The following PLD1 variants were observed in gnomAD, a reference collection of about 807,000 sequenced individuals.
PLD1 encodes choline phosphatase 1.
A neutral mutation model predicts 137.1 loss-of-function variants in PLD1; 112 were observed. That is an observed-to-expected ratio of 0.82 (90% CI 0.70 to 0.96). The LOEUF is 0.96. PLD1 is among the 40% of genes least tolerant of loss of function. The pLI is 0.00. For missense variants in PLD1, 1,321 were observed against 1,342.0 expected (o/e 0.98, Z 0.24); for synonymous variants, 431 against 454.7 (o/e 0.95, Z 0.66).
rs1731843930 is a variant in PLD1 at position 171,601,739 on chromosome 3, T to C, written c.*1339A>G. 6.6e-6 allele frequency: 1 copy of C among 152,192 alleles called. No individual in the cohort carries two copies. The allele number at this position is 152,192 out of a possible 1,614,324, so 9.4% of individuals were successfully genotyped here. A position where few individuals can be genotyped will look rare whatever the true frequency, so the allele number is the denominator to read the frequency against. ...TGTCCAGGTAATCCATAGACATGTA[T>C]AATCATTACACCTGCATTTTGTTTT... On this transcript the variant is annotated 3_prime_UTR_variant, in exon 27 of 27. Coordinates refer to ENST00000351298, the MANE Select transcript of PLD1 (RefSeq NM_002662.5).
chr3:171,694,140 A>C (rs1247613112), intron 12 of PLD1, among the ~76,000 whole-genome samples: 3 of 152,104 alleles, frequency 2.0e-5, no homozygotes, highest in Admixed American at 2.0e-4. Context: ...TAATATCTTA[A>C]AGGTGTATGT....
chr3:171,634,406 C>T (rs1009915003), intron 23 of PLD1, among the ~76,000 whole-genome samples: 5 of 152,112 alleles, frequency 3.3e-5, no homozygotes, highest in Admixed American at 2.6e-4. Flanking sequence ...GAATGATTTT[C>T]CCGATTTTAT....
At chr3:171,681,526 C>T (rs796588129) in intron 16 of PLD1, among the ~76,000 whole-genome samples, 9 of 152,266 alleles carry the variant, frequency 5.9e-5, no homozygotes, top group African/African-American at 2.2e-4. Flanking sequence ...TTAGTCTCTA[C>T]CTACCGAATT....
rs4894728 is a variant in PLD1, at chr3:171,692,767, C to T, written c.1228-325G>A. Among the ~76,000 whole-genome samples, 34,725 of 151,966 alleles carry T rather than the reference C, an allele frequency of 0.23. 4,253 individuals carry two copies. The highest frequency in any genetic ancestry group is 0.3 in the Admixed American group (4,595 of 15,280). Reference sequence around the variant, plus strand: ...AATTCCTGACCTCAAGTGATCCACCCGCCTCAGCCGCTCAAAGTGCTGGGA... The same window carrying T: ...AATTCCTGACCTCAAGTGATCCACCTGCCTCAGCCGCTCAAAGTGCTGGGA... On this transcript the variant is annotated intron_variant, in intron 12 of 26. Coordinates refer to ENST00000351298, the MANE Select transcript of PLD1 (RefSeq NM_002662.5).
chr3:171,688,647 A>G (rs1714808641), intron 14 of PLD1, 29 bp downstream of exon 14: 27 of 1,504,242 alleles, frequency 1.8e-5, no homozygotes, highest in Non-Finnish European at 2.5e-5. Flanking sequence ...TTCGTGTTAT[A>G]CATTTCCATA....
At chr3:171,696,855 C>A (rs1197393588) in intron 12 of PLD1, among the ~76,000 whole-genome samples, 1 of 152,056 alleles carries the variant, frequency 6.6e-6, no homozygotes, top group Non-Finnish European at 1.5e-5. Context: ...TCGCTACCCA[C>A]AGTTTAAAAA....
At chr3:171,732,154 C>T (rs759469776) in intron 6 of PLD1, among the ~76,000 whole-genome samples, 21 of 152,120 alleles carry the variant, frequency 1.4e-4, no homozygotes, top group Non-Finnish European at 2.6e-4. Context: ...AATAGCATGT[C>T]GGATTTCAGA....
At chr3:171,631,952 A>G (rs565527533) in intron 23 of PLD1, among the ~76,000 whole-genome samples, 1 of 152,340 alleles carries the variant, frequency 6.6e-6, no homozygotes, top group Non-Finnish European at 1.5e-5. Flanking sequence ...CAGGAGGTCA[A>G]TGGTTGATAA....
intron 23 of PLD1, among the ~76,000 whole-genome samples, chr3:171,625,630 G>C (rs1225747113): frequency 6.6e-6 from 1 of 152,160 alleles, no homozygotes; most frequent in Non-Finnish European, 1.5e-5. Flanking sequence ...ACCTCACACG[G>C]CCGGGTACTC....
intron 5 of PLD1, 87 bp from the exon 6 acceptor site, chr3:171,733,596 T>C (rs1719118422): frequency 5.2e-6 from 3 of 575,104 alleles, no homozygotes; most frequent in Non-Finnish European, 9.3e-6. Context: ...GAGATCATCA[T>C]TTTCATCTTA....
intron 1 of PLD1, among the ~76,000 whole-genome samples, chr3:171,742,675 G>A (rs1440166256): frequency 6.6e-6 from 1 of 151,976 alleles, no homozygotes; most frequent in African/African-American, 2.4e-5. Flanking sequence ...TAAATTAAAG[G>A]ATCCATAATA....
chr3:171,755,389 T>C (rs779837949), intron 1 of PLD1, among the ~76,000 whole-genome samples: 2 of 152,138 alleles, frequency 1.3e-5, no homozygotes, highest in African/African-American at 4.8e-5. Flanking sequence ...TCCCCATTCT[T>C]ATCTCACTTA....
intron 23 of PLD1, among the ~76,000 whole-genome samples, chr3:171,623,642 C>G (rs1352409727): frequency 6.7e-6 from 1 of 150,352 alleles, no homozygotes; most frequent in Admixed American, 6.7e-5. Flanking sequence ...GATATTAACA[C>G]ATACTATAAA....
At chr3:171,605,940 A>C (rs1220923668) in intron 25 of PLD1, among the ~76,000 whole-genome samples, 1 of 152,236 alleles carries the variant, frequency 6.6e-6, no homozygotes, top group Non-Finnish European at 1.5e-5. Flanking sequence ...TGGTTTTTAT[A>C]TTAAGTGAAA....
chr3:171,745,964 G>C (rs921235398), intron 1 of PLD1, among the ~76,000 whole-genome samples: 1 of 152,146 alleles, frequency 6.6e-6, no homozygotes, highest in African/African-American at 2.4e-5. Context: ...GCGTGGGCTC[G>C]GCAAGTCCCG....
At chr3:171,617,668 G>T (rs892381218) in intron 24 of PLD1, among the ~76,000 whole-genome samples, 10 of 152,130 alleles carry the variant, frequency 6.6e-5, no homozygotes, top group African/African-American at 2.4e-4. Context: ...AAGAAAACTG[G>T]ATTTGGTCAC....
chr3:171,666,238 A>C (rs1712130188), intron 19 of PLD1: 1 of 152,404 alleles, frequency 6.6e-6, no homozygotes, highest in Non-Finnish European at 1.5e-5. Flanking sequence ...TTATAAAGGA[A>C]AGAGTTTTAA....
chr3:171,720,178 C>T (rs948333292), intron 8 of PLD1, among the ~76,000 whole-genome samples: 3 of 150,736 alleles, frequency 2.0e-5, no homozygotes, highest in African/African-American at 7.3e-5. Context: ...ACCTGTATCC[C>T]TGCTATCTAG....
chr3:171,724,587 G>T, intron 8 of PLD1, 109 bp downstream of exon 8: 1 of 658,788 alleles, frequency 1.5e-6, no homozygotes, highest in South Asian at 1.8e-5. Context: ...TTAAAAATTT[G>T]TTCTGCCATT....
Sources: gnomAD v4.1 joint callset for allele counts (sites outside exome capture counted in the v4.1 genomes callset) on GRCh38, gnomAD v4.1.1 for gene constraint, MANE v1.5 for transcripts, NCBI Gene and HGNC (gene_info 2026-07-23, HGNC 2026-07-21) for gene names.